Variants in MPP7 observed in about 807,000 individuals in gnomAD.
MPP7 encodes MAGUK p55 scaffold protein 7, also known as MAGUK p55 subfamily member 7.
A neutral mutation model predicts 76.5 loss-of-function variants in MPP7; 60 were observed. That is an observed-to-expected ratio of 0.78 (90% CI 0.64 to 0.97). The LOEUF (loss-of-function observed/expected upper bound fraction) is 0.97, where lower values mean the gene tolerates loss of function less well. Among genes scored for constraint, MPP7 ranks in the 50% least tolerant of loss-of-function variants. The pLI is 0.00. For synonymous variants in MPP7, 237 were observed against 244.5 expected, an observed-to-expected ratio of 0.97 and a Z score of 0.29; for missense variants, 641 against 694.0, an observed-to-expected ratio of 0.92 and a Z score of 0.86.
chr10:28,329,490 G>A lies in MPP7; in HGVS notation c.-132+439C>T, dbSNP rs533378198. ...AAAAATACAAAAAAATTAGCTGGGC[G>A]TGGTGGTGGGTTCCTGTAGTCCCAG... On this transcript the variant is annotated intron_variant, in intron 2 of 11. Coordinates refer to the MPP7 transcript ENST00000441595. Among the ~76,000 whole-genome samples, 545 of 152,152 alleles carry A rather than the reference G, an allele frequency of 3.6e-3. 3 individuals are homozygous for A. Among genetic ancestry groups the A allele is most frequent in the African/African-American group, 0.013 (530 of 41,520 alleles).
At chr10:28,214,341 A>T (rs185518283) in intron 2 of MPP7, among the ~76,000 whole-genome samples, 120 of 152,342 alleles carry the variant, frequency 7.9e-4, no homozygotes, top group African/African-American at 2.8e-3. Context: ...TCATGTTCCC[A>T]TTCTTCAGGA....
At chr10:28,291,912 T>C (rs1377641283) in intron 1 of MPP7, among the ~76,000 whole-genome samples, 1 of 152,214 alleles carries the variant, frequency 6.6e-6, no homozygotes, top group Non-Finnish European at 1.5e-5. Flanking sequence ...GCTTATAACG[T>C]CTACAGTAGT....
intron 12 of MPP7, among the ~76,000 whole-genome samples, chr10:28,080,488 G>A (rs371939423): frequency 7.9e-5 from 12 of 151,986 alleles, no homozygotes; most frequent in Admixed American, 2.0e-4. Flanking sequence ...TAGACTTATC[G>A]CCTTCTAACA....
intron 1 of MPP7, among the ~76,000 whole-genome samples, chr10:28,281,839 T>C (rs1453370830): frequency 2.6e-5 from 4 of 152,042 alleles, no homozygotes; most frequent in African/African-American, 9.7e-5. Context: ...GAAGCCAACA[T>C]GTCTAGTTTT....
chr10:28,256,521 G>T (rs989182534), intron 1 of MPP7, among the ~76,000 whole-genome samples: 34 of 152,108 alleles, frequency 2.2e-4, no homozygotes, highest in African/African-American at 7.5e-4. Flanking sequence ...GGAAAAAAAA[G>T]TAATGACCTA....
chr10:28,281,838 A>G (rs926394373), intron 1 of MPP7, among the ~76,000 whole-genome samples: 1 of 152,078 alleles, frequency 6.6e-6, no homozygotes, highest in African/African-American at 2.4e-5. Context: ...AGAAGCCAAC[A>G]TGTCTAGTTT....
In MPP7 at chr10:28,300,967, G is replaced by A. The variant is rs115771196; in HGVS notation, c.-132+1894C>T. 7.2e-3 allele frequency among the ~76,000 whole-genome samples: 1,076 copies of A among 150,268 alleles called. 14 individuals carry two copies. Among genetic ancestry groups the A allele is most frequent in the African/African-American group, 0.025 (1,017 of 40,858 alleles). ...CACCTCAGAAAAAAAAAAAAAAAGA[G>A]TTCCATTCAGTAATCCATAAGACAT... On this transcript the variant is annotated intron_variant, in intron 1 of 16. Transcript: ENST00000683449.
intron 3 of MPP7, among the ~76,000 whole-genome samples, chr10:28,177,112 C>T (rs1313174186): frequency 6.6e-6 from 1 of 151,392 alleles, no homozygotes; most frequent in African/African-American, 2.4e-5. Flanking sequence ...TCTTTGTATT[C>T]ATACCGATAG....
chr10:28,294,627 A>AT (rs1840999013), intron 1 of MPP7, among the ~76,000 whole-genome samples: 1 of 152,096 alleles, frequency 6.6e-6, no homozygotes, highest in Non-Finnish European at 1.5e-5. Context: ...GAGTAATCAT[A>AT]TTTTTTCCCC....
chr10:28,142,927 CTAAT>C (rs778849421), intron 5 of MPP7, among the ~76,000 whole-genome samples: 20 of 152,024 alleles, frequency 1.3e-4, no homozygotes, highest in Admixed American at 5.9e-4. Flanking sequence ...ATTTACTGTC[CTAAT>C]TAAAGTATAT....
Position 28,058,623 on chromosome 10 carries a change from T to G in MPP7, c.1299-20A>C. 1 of 1,292,308 alleles carries G rather than the reference T, an allele frequency of 7.7e-7. No homozygotes were observed. Among genetic ancestry groups the G allele is most frequent in the Admixed American group, 2.1e-5 (1 of 47,926 alleles). 80.1% of individuals were successfully genotyped at this position (1,292,308 alleles called of 1,614,324 possible). ...ATAAACCTGTAAAAAATTAAATGCA[T>G]TGGAATCATTTGTGAATTTAAAACA... On this transcript the variant is annotated intron_variant, in intron 14 of 16. Transcript: ENST00000683449.
intron 15 of MPP7, 92 bp from the exon 16 acceptor site, chr10:28,056,715 T>C (rs181898071): frequency 0.015 from 16,600 of 1,103,652 alleles, 143 homozygotes; most frequent in Non-Finnish European, 0.018. Context: ...TCAAAATTAT[T>C]CTTTAAGGTC....
intron 2 of MPP7, among the ~76,000 whole-genome samples, chr10:28,211,541 C>T (rs925738084): frequency 2.0e-5 from 3 of 151,634 alleles, no homozygotes; most frequent in African/African-American, 4.8e-5. Flanking sequence ...ATATATATAA[C>T]TAACAGGCAG....
intron 1 of MPP7, among the ~76,000 whole-genome samples, chr10:28,270,494 T>C (rs1840286394): frequency 8.3e-6 from 1 of 120,840 alleles, no homozygotes. Flanking sequence ...CAGACCAGCC[T>C]GGGCAACATA....
In MPP7 at chr10:28,281,237, A is replaced by T. The variant is rs191856800; in HGVS notation, c.-132+21624T>A. On this transcript the variant is annotated intron_variant, in intron 1 of 16. Transcript: ENST00000683449. Reference sequence around the variant, plus strand: ...TGGGATTACCAGCGCACGCCACTACACCTGGCAAATTTTTGTATTTTTTGT... The same window carrying T: ...TGGGATTACCAGCGCACGCCACTACTCCTGGCAAATTTTTGTATTTTTTGT... Among the ~76,000 whole-genome samples, 35 of 151,830 alleles carry T rather than the reference A, an allele frequency of 2.3e-4. 1 individual carries two copies. Among genetic ancestry groups the T allele is most frequent in the African/African-American group, 8.2e-4 (34 of 41,322 alleles).
intron 3 of MPP7, among the ~76,000 whole-genome samples, chr10:28,166,721 T>TA (rs1836476127): frequency 1.3e-5 from 2 of 152,094 alleles, no homozygotes; most frequent in Admixed American, 6.5e-5. Flanking sequence ...CTTTTAATTT[T>TA]TAAAAAAAAT....
chr10:28,168,823 T>C (rs111843451), intron 3 of MPP7, among the ~76,000 whole-genome samples: 1 of 152,170 alleles, frequency 6.6e-6, no homozygotes, highest in East Asian at 1.9e-4. Context: ...CAGCCTCTTT[T>C]ATCTCATCAT....
At chr10:28,320,517 C>A (rs1834358685) in intron 2 of MPP7, among the ~76,000 whole-genome samples, 1 of 151,434 alleles carries the variant, frequency 6.6e-6, no homozygotes, top group African/African-American at 2.4e-5. Flanking sequence ...TTATTTTTTA[C>A]AATGATAGTG....
chr10:28,214,539 C>T (rs1053635096), intron 2 of MPP7, among the ~76,000 whole-genome samples: 3 of 151,496 alleles, frequency 2.0e-5, no homozygotes, highest in South Asian at 2.1e-4. Context: ...CCACAAACAC[C>T]GAGTGCTTAC....
Sources: gnomAD v4.1 joint callset for allele counts (sites outside exome capture counted in the v4.1 genomes callset) on GRCh38, gnomAD v4.1.1 for gene constraint, MANE v1.5 for transcripts, NCBI Gene and HGNC (gene_info 2026-07-23, HGNC 2026-07-21) for gene names.